MAPT: variants seen among roughly 807,000 people sequenced by gnomAD.
MAPT encodes the protein microtubule-associated protein tau.
A neutral mutation model predicts 67.9 loss-of-function variants in MAPT; 34 were observed. That is an observed-to-expected ratio of 0.50 (90% CI 0.38 to 0.67). The LOEUF is 0.67. MAPT is among the 30% of genes least tolerant of loss of function. MAPT has a pLI of 0.00. For missense variants in MAPT, 881 were observed against 1,115.2 expected (o/e 0.79, Z 2.99); for synonymous variants, 456 against 464.5 (o/e 0.98, Z 0.23).
intron 8 of MAPT, among the ~76,000 whole-genome samples, chr17:45,992,958 C>T (rs957427029): frequency 1.3e-5 from 2 of 151,772 alleles, no homozygotes; most frequent in African/African-American, 4.8e-5. Flanking sequence ...CCTGCCCGAG[C>T]ACTTCTCTCT....
intron 1 of MAPT, chr17:45,895,148 G>C (rs1460242712): frequency 1.3e-5 from 2 of 152,808 alleles, no homozygotes; most frequent in Non-Finnish European, 2.9e-5. Flanking sequence ...CCCTGCCGCT[G>C]TTCGCCATCA....
rs151077758 is a variant in MAPT, at chr17:45,923,405, G to A, written c.-18+28719G>A. Reference sequence around the variant, plus strand: ...CATAGGGTTGACTCCTAACTCAAGGGCATGAGACAACCCCCAGGAAGGGCA... The same window carrying A: ...CATAGGGTTGACTCCTAACTCAAGGACATGAGACAACCCCCAGGAAGGGCA... On this transcript the variant is annotated intron_variant, in intron 1 of 12. Coordinates refer to ENST00000262410, the MANE Select transcript of MAPT (RefSeq NM_001377265.1). Among the ~76,000 whole-genome samples the A allele has an allele frequency of 3.4e-3, 514 of 152,298 alleles. 2 individuals are homozygous for A. Among genetic ancestry groups the A allele is most frequent in the African/African-American group, 0.012 (488 of 41,566 alleles).
chr17:45,942,450 G>A (rs1259390995), intron 1 of MAPT, among the ~76,000 whole-genome samples: 1 of 152,232 alleles, frequency 6.6e-6, no homozygotes, highest in African/African-American at 2.4e-5. Context: ...TGCATCGAGA[G>A]GGCCAAGGGG....
At chr17:45,936,682 A>G (rs1208424955) in intron 1 of MAPT, among the ~76,000 whole-genome samples, 1 of 152,208 alleles carries the variant, frequency 6.6e-6, no homozygotes. Context: ...AGACTAATGG[A>G]CGGGTCTGAA....
chr17:45,971,204 G>A lies in MAPT; in HGVS notation c.134-655G>A, dbSNP rs934964975. ...ACTAAGGACATTCTTGGTGGAGGGCGTGACTGTCAACCACTGTGATCATTT... is the reference window on the plus strand; with the variant it reads ...ACTAAGGACATTCTTGGTGGAGGGCATGACTGTCAACCACTGTGATCATTT... On this transcript the variant is annotated intron_variant, in intron 2 of 12. Coordinates refer to ENST00000262410, the MANE Select transcript of MAPT (RefSeq NM_001377265.1). The surrounding 1 kb of genome is among the most constrained non-coding windows in gnomAD (Gnocchi z 4.3). 3.9e-5 allele frequency among the ~76,000 whole-genome samples: 6 copies of A among 152,182 alleles called. No individual in the cohort carries two copies. The highest frequency in any genetic ancestry group is 7.2e-5 in the African/African-American group (3 of 41,434).
intron 2 of MAPT, 60 bp downstream of exon 2, chr17:45,962,530 C>G: frequency 6.3e-7 from 1 of 1,598,924 alleles, no homozygotes; most frequent in South Asian, 1.1e-5. Context: ...GTGGCGGGAA[C>G]AGTTTGCATC....
chr17:45,990,141 T>G (rs2073946405), intron 7 of MAPT, 66 bp downstream of exon 7: 2 of 1,478,606 alleles, frequency 1.4e-6, no homozygotes, highest in Non-Finnish European at 1.9e-6. Flanking sequence ...GGGGTTTGTT[T>G]ATTTGTTTTT....
At chr17:45,964,995 T>C (rs56226437) in intron 2 of MAPT, among the ~76,000 whole-genome samples, 21,722 of 152,082 alleles carry the variant, frequency 0.14, 2,100 homozygotes, top group Non-Finnish European at 0.22. Context: ...CAGTTGGTGC[T>C]GCTGGGGGAA....
intron 1 of MAPT, among the ~76,000 whole-genome samples, chr17:45,904,062 T>C (rs1448483334): frequency 4.4e-5 from 2 of 45,592 alleles, no homozygotes. Context: ...TTATATATTA[T>C]ATATTATATA....
At chr17:45,936,002 C>G (rs2067287267) in intron 1 of MAPT, among the ~76,000 whole-genome samples, 1 of 152,216 alleles carries the variant, frequency 6.6e-6, no homozygotes, top group Non-Finnish European at 1.5e-5. Flanking sequence ...TTTGTCTCCA[C>G]TCCCAAACCC....
At chr17:45,957,567 A>G (rs2069880342) in intron 1 of MAPT, among the ~76,000 whole-genome samples, 1 of 152,200 alleles carries the variant, frequency 6.6e-6, no homozygotes. Context: ...TGCCCCAGCC[A>G]CATCTCTGCT....
At chr17:45,986,702 G>A (rs899647319) in intron 5 of MAPT, among the ~76,000 whole-genome samples, 3 of 152,234 alleles carry the variant, frequency 2.0e-5, no homozygotes, top group Non-Finnish European at 4.4e-5. Context: ...CAGGGCAGGA[G>A]CCTGTGGGTT....
chr17:46,008,055 C>T (rs1333444736), intron 9 of MAPT, among the ~76,000 whole-genome samples: 2 of 152,106 alleles, frequency 1.3e-5, no homozygotes, highest in Admixed American at 6.5e-5. Context: ...TTCTGATGAC[C>T]GTAGACCATA....
intron 8 of MAPT, chr17:45,993,909 A>G: frequency 6.4e-7 from 1 of 1,562,080 alleles, no homozygotes; most frequent in Non-Finnish European, 8.7e-7. Flanking sequence ...GCTTTCGTGG[A>G]TTTTTCTCTT....
chr17:46,023,252 G>T (rs1476669653), intron 12 of MAPT, among the ~76,000 whole-genome samples: 1 of 152,206 alleles, frequency 6.6e-6, no homozygotes, highest in African/African-American at 2.4e-5. Flanking sequence ...GTTCATACGG[G>T]TTTATTTATC....
intron 1 of MAPT, among the ~76,000 whole-genome samples, chr17:45,956,548 TTATA>T (rs57223421): frequency 8.6e-4 from 82 of 95,220 alleles, no homozygotes; most frequent in African/African-American, 3.1e-3. Context: ...GCAGGTTCTT[TTATA>T]TATATATATA....
intron 1 of MAPT, among the ~76,000 whole-genome samples, chr17:45,904,883 A>G (rs561206971): frequency 7.9e-5 from 12 of 152,304 alleles, no homozygotes; most frequent in African/African-American, 2.9e-4. Context: ...ATATGCAAAT[A>G]AAACTGTTGT....
Position 45,996,146 on chromosome 17 carries a change from G to T in MAPT, c.1733-253G>T, listed in dbSNP as rs948859914. ...CGAGTTGGCCACCTCTCTGGGAGCG[G>T]GTATTGGATGGTGGTTGATGGTTTT... is the stretch of plus-strand genomic sequence containing the variant. On this transcript the variant is annotated intron_variant, in intron 8 of 12. Coordinates refer to ENST00000262410, the MANE Select transcript of MAPT (RefSeq NM_001377265.1). The surrounding 1 kb of genome is among the most constrained non-coding windows in gnomAD (Gnocchi z 4.5). Among the ~76,000 whole-genome samples, 15 of 152,156 alleles carry T rather than the reference G, an allele frequency of 9.9e-5. No homozygotes were observed. Among genetic ancestry groups the T allele is most frequent in the African/African-American group, 3.1e-4 (13 of 41,412 alleles).
chr17:46,017,750 C>T (rs547924116), intron 11 of MAPT, among the ~76,000 whole-genome samples: 71 of 149,136 alleles, frequency 4.8e-4, no homozygotes, highest in African/African-American at 1.7e-3. Context: ...TGAGCCACCA[C>T]GCCCGGCCTG....
Sources: allele counts gnomAD v4.1 joint callset (sites outside exome capture counted in the v4.1 genomes callset), GRCh38; gene constraint gnomAD v4.1.1; non-coding constraint Gnocchi (gnomAD v3.1); transcripts MANE v1.5; gene names NCBI Gene and HGNC (gene_info 2026-07-23, HGNC 2026-07-21).